RRP9: variants seen among roughly 807,000 people sequenced by gnomAD.
RRP9 encodes ribosomal RNA processing 9, U3 small nucleolar RNA binding protein.
Under a neutral mutation model 65.5 loss-of-function variants are expected in RRP9, and 35 were observed. That is an observed-to-expected ratio of 0.53 (90% CI 0.41 to 0.71). The LOEUF (loss-of-function observed/expected upper bound fraction) is 0.71, where lower values mean the gene tolerates loss of function less well. RRP9 is among the 30% of genes least tolerant of loss of function. The pLI, the probability that RRP9 is intolerant of heterozygous loss-of-function variation, is 0.00. For synonymous variants in RRP9, 254 were observed against 245.0 expected (o/e 1.04, Z -0.34); for missense variants, 533 against 633.6 (o/e 0.84, Z 1.70).
rs772128847 is a variant in RRP9, at chr3:51,937,613, C to T, written c.349-27G>A. On this transcript the variant is annotated intron_variant, in intron 4 of 14. Transcript: ENST00000232888. This position sits in a 1 kb window ranked among gnomAD's most constrained non-coding sequence, Gnocchi z 5.0. Reference sequence around the variant, plus strand: ...TGCATGGAGAAGAGATGGATGAGACCCTGGGAGCAGATCAGCTCCACCCCC... The same window carrying T: ...TGCATGGAGAAGAGATGGATGAGACTCTGGGAGCAGATCAGCTCCACCCCC... 2 of 1,614,188 alleles carry T rather than the reference C, an allele frequency of 1.2e-6. No homozygotes were observed. Among genetic ancestry groups the T allele is most frequent in the Non-Finnish European group, 1.7e-6 (2 of 1,180,028 alleles).
At position 51,935,700 on chromosome 3, in the gene RRP9, T is replaced by C. The variant is rs1699450387; in HGVS notation, c.736-8A>G. The C allele has an allele frequency of 6.2e-7, 1 of 1,611,416 alleles. No homozygotes were observed. The highest frequency in any genetic ancestry group is 1.7e-5 in the Admixed American group (1 of 59,978). Reference sequence around the variant, plus strand: ...TCTGCGGAATGCCAGACCCTAAGGGTGCATGGGGAGAGGGCAAAGGGGACC... The same window carrying C: ...TCTGCGGAATGCCAGACCCTAAGGGCGCATGGGGAGAGGGCAAAGGGGACC... On this transcript the variant is annotated splice_polypyrimidine_tract_variant and splice_region_variant and intron_variant, in intron 8 of 14. Coordinates refer to ENST00000232888, the MANE Select transcript of RRP9 (RefSeq NM_004704.5).
At position 51,933,799 on chromosome 3, in the gene RRP9, A is replaced by C; in HGVS notation, c.1261-18T>G. 1.9e-6 allele frequency: 3 copies of C among 1,612,848 alleles called. No homozygotes were observed. Among genetic ancestry groups the C allele is most frequent in the Non-Finnish European group, 2.5e-6 (3 of 1,178,878 alleles). Reference sequence around the variant, plus strand: ...AAACCCACCTGAGCAGAAAGACAACACGGAAAGACATTAGAACGCCCCCCG... The same window carrying C: ...AAACCCACCTGAGCAGAAAGACAACCCGGAAAGACATTAGAACGCCCCCCG... On this transcript the variant is annotated intron_variant, in intron 13 of 14. Coordinates refer to ENST00000232888, the MANE Select transcript of RRP9 (RefSeq NM_004704.5).
At chr3:51,941,693 G>A in intron 1 of RRP9, 88 bp downstream of exon 1, 1 of 1,272,262 alleles carries the variant, frequency 7.9e-7, no homozygotes, top group Non-Finnish European at 1.1e-6. Flanking sequence ...GAAGGGCTGG[G>A]GAAGGGCCGG....
intron 1 of RRP9, 82 bp downstream of exon 1, chr3:51,941,699 G>T: frequency 7.6e-7 from 1 of 1,320,728 alleles, no homozygotes; most frequent in Non-Finnish European, 1.1e-6. Context: ...CTGGGGAAGG[G>T]CCGGGACCCA....
At chr3:51,935,961 A>T (rs1348434267) in intron 8 of RRP9, among the ~76,000 whole-genome samples, 5 of 152,166 alleles carry the variant, frequency 3.3e-5, no homozygotes, top group African/African-American at 1.2e-4. Context: ...TCCTGGGCTC[A>T]GATGATCCTC....
In RRP9 at chr3:51,934,351, AGGAGCTG is replaced by A; in HGVS notation, c.1260+114_1260+120del. The A allele has an allele frequency of 1.0e-6, 1 of 985,192 alleles. No individual in the cohort carries two copies. Among genetic ancestry groups the A allele is most frequent in the Non-Finnish European group, 1.5e-6 (1 of 666,832 alleles). The allele number at this position is 985,192 out of a possible 1,614,324, so 61.0% of individuals were successfully genotyped here. A position where few individuals can be genotyped will look rare whatever the true frequency, so the allele number is the denominator to read the frequency against. On this transcript the variant is annotated intron_variant, in intron 13 of 14. Coordinates refer to ENST00000232888, the MANE Select transcript of RRP9 (RefSeq NM_004704.5). The surrounding 1 kb of genome is among the most constrained non-coding windows in gnomAD (Gnocchi z 4.1). ...GAGGGTTCCTGCCAGGCCCTGTGCT[AGGAGCTG>A]GCCCTGCCCTGAGAAGGTTCCCTTC...
chr3:51,939,431 A>G (rs199532588), intron 2 of RRP9, among the ~76,000 whole-genome samples: 1 of 152,256 alleles, frequency 6.6e-6, no homozygotes, highest in South Asian at 2.1e-4. Context: ...AGGGAAGTAC[A>G]CACTATGATT....
At chr3:51,936,754 G>A (rs1263852934) in intron 6 of RRP9, among the ~76,000 whole-genome samples, 199 bp from the exon 7 acceptor site, 3 of 152,204 alleles carry the variant, frequency 2.0e-5, no homozygotes, top group African/African-American at 7.2e-5. Flanking sequence ...GTGCCAAACA[G>A]CAGCCACAAA....
chr3:51,941,555 C>G, intron 1 of RRP9, 64 bp from the exon 2 acceptor site: 6 of 1,437,072 alleles, frequency 4.2e-6, no homozygotes, highest in South Asian at 3.4e-5. Flanking sequence ...GACCAAGGGC[C>G]CCCCCCCCTC....
Position 51,935,248 on chromosome 3 carries a change from T to C in RRP9, c.983A>G (p.Asp328Gly). 2 of 1,614,158 alleles carry C rather than the reference T, an allele frequency of 1.2e-6. No homozygotes were observed. The highest frequency in any genetic ancestry group is 1.7e-6 in the Non-Finnish European group (2 of 1,180,014). ...CTCCTCATTGATTAGGTGGATGCAGTCGATGGAGCCCCTGGAGAAAGGGGC... is the reference window on the plus strand; with the variant it reads ...CTCCTCATTGATTAGGTGGATGCAGCCGATGGAGCCCCTGGAGAAAGGGGC... The part of the protein sequence containing the change: ...LVFYGHQGSI[D>G]CIHLINEEHM... Residue 328 changes from aspartate (D) to glycine (G), a missense_variant, in exon 11 of 15, where the codon GAC (aspartate) becomes GGC (glycine). Physicochemically the swap from Asp to Gly is moderately conservative, Grantham distance 94 (BLOSUM62 -1). Around this residue, in one of 3 missense-constraint regions of RRP9, gnomAD observed 449 missense variants for 550.6 expected, o/e 0.82. Transcript: ENST00000232888.
chr3:51,938,077 G>C lies in RRP9; in HGVS notation c.280+18C>G. 1 of 1,579,160 alleles carries C rather than the reference G, an allele frequency of 6.3e-7. No individual in the cohort carries two copies. Among genetic ancestry groups the C allele is most frequent in the Non-Finnish European group, 8.6e-7 (1 of 1,165,382 alleles). ...CAGGCAGAAGCCCTGCCCATGGCTG[G>C]CCTGCCCACTGGCTCACCTTGCTGA... On this transcript the variant is annotated intron_variant, in intron 3 of 14. Transcript: ENST00000232888.
intron 2 of RRP9, among the ~76,000 whole-genome samples, chr3:51,940,560 C>T (rs1299454341): frequency 6.6e-6 from 1 of 152,120 alleles, no homozygotes; most frequent in Non-Finnish European, 1.5e-5. Flanking sequence ...TTGCTGTCAC[C>T]CAGACTGGAG....
Position 51,935,602 on chromosome 3 carries a change from C to A in RRP9, c.826G>T (p.Val276Leu). 2 of 1,614,186 alleles carry A rather than the reference C, an allele frequency of 1.2e-6. No individual in the cohort carries two copies. Among genetic ancestry groups the A allele is most frequent in the South Asian group, 2.2e-5 (2 of 91,086 alleles). The part of the protein sequence containing the change: ...KVWNVAENSY[V>L]ETLFGHQDAV... ...CCCATCCACACTCACAGCGTCTCCACGTAGGAGTTCTCTGCCACATTCCAC... is the reference window on the plus strand; with the variant it reads ...CCCATCCACACTCACAGCGTCTCCAAGTAGGAGTTCTCTGCCACATTCCAC... The change falls in exon 9 of 15, where the codon GTG becomes TTG. Residue 276 changes from valine to leucine, a missense_variant. Physicochemically the swap from Val to Leu is conservative, Grantham distance 32. This residue lies in a region of RRP9 where 449 missense variants were observed against 550.6 expected (regional missense o/e 0.82). Coordinates refer to ENST00000232888, the MANE Select transcript of RRP9 (RefSeq NM_004704.5).
intron 2 of RRP9, among the ~76,000 whole-genome samples, chr3:51,939,458 C>G (rs906644688): frequency 2.0e-5 from 3 of 152,104 alleles, no homozygotes; most frequent in Non-Finnish European, 4.4e-5. Flanking sequence ...ACAGGGCATG[C>G]TAGAAAATGC....
chr3:51,938,935 G>A (rs1699486494), intron 2 of RRP9, among the ~76,000 whole-genome samples: 1 of 152,152 alleles, frequency 6.6e-6, no homozygotes, highest in Non-Finnish European at 1.5e-5. Context: ...TCACTGTTTG[G>A]GGATTGGCCT....
In RRP9 at chr3:51,933,483, C is replaced by G; in HGVS notation, c.*23G>C. 1.3e-6 allele frequency: 2 copies of G among 1,598,290 alleles called. No individual in the cohort carries two copies. Among genetic ancestry groups the G allele is most frequent in the Non-Finnish European group, 1.7e-6 (2 of 1,166,204 alleles). ...AGGGTGGGGCATAGCCTGGGAAGGA[C>G]TTAAATAAGGAGGATAAGAGTGTCA... On this transcript the variant is annotated 3_prime_UTR_variant, in exon 15 of 15. Coordinates refer to ENST00000232888, the MANE Select transcript of RRP9 (RefSeq NM_004704.5).
chr3:51,940,743 C>T (rs948493302), intron 2 of RRP9, among the ~76,000 whole-genome samples: 2 of 152,050 alleles, frequency 1.3e-5, no homozygotes, highest in African/African-American at 4.8e-5. Flanking sequence ...AAACTCCTGA[C>T]ATCAAGCAAT....
At chr3:51,940,356 T>C (rs1699506390) in intron 2 of RRP9, among the ~76,000 whole-genome samples, 2 of 152,076 alleles carry the variant, frequency 1.3e-5, no homozygotes, top group South Asian at 2.1e-4. Context: ...GGGAAGGCAC[T>C]AGGATTCTCT....
At position 51,934,713 on chromosome 3, in the gene RRP9, C is replaced by G; in HGVS notation, c.1098G>C (p.Gly366=). 1 of 1,614,146 alleles carries G rather than the reference C, an allele frequency of 6.2e-7. No individual in the cohort carries two copies. The highest frequency in any genetic ancestry group is 8.5e-7 in the Non-Finnish European group (1 of 1,180,020). Residue 366 remains glycine, a synonymous_variant, in exon 12 of 15, where the codon GGG becomes GGC. Transcript: ENST00000232888. This position sits in a 1 kb window ranked among gnomAD's most constrained non-coding sequence, Gnocchi z 4.1. ...GCTCCAGGCCTGGCTCTCCCCGCAG[C>G]CCGTGAGCTTCACGCTGCAGGGCAA... ...RPLALQREAH[G]LRGEPGLEQP...
Sources: allele counts gnomAD v4.1 joint callset (sites outside exome capture counted in the v4.1 genomes callset), GRCh38; gene constraint gnomAD v4.1.1; regional missense constraint gnomAD v4.1.1; non-coding constraint Gnocchi (gnomAD v3.1); transcripts MANE v1.5; gene names NCBI Gene and HGNC (gene_info 2026-07-23, HGNC 2026-07-21).